PARP8: variants seen among roughly 807,000 people sequenced by gnomAD.
The protein encoded by PARP8 is protein mono-ADP-ribosyltransferase PARP8.
In PARP8, 51 loss-of-function variants were observed where a neutral mutation model predicts 124.1. The observed-to-expected ratio is 0.41, with a 90% CI of 0.33 to 0.52. The LOEUF (loss-of-function observed/expected upper bound fraction) is 0.52. PARP8 is among the 20% of genes least tolerant of loss of function. The pLI is 0.21. For missense variants in PARP8, 860 were observed against 1,018.9 expected, an observed-to-expected ratio of 0.84 and a Z score of 2.12; for synonymous variants, 391 against 361.5, an observed-to-expected ratio of 1.08 and a Z score of -0.93.
At chr5:50,824,067 T>G (rs1258888282) in intron 17 of PARP8, among the ~76,000 whole-genome samples, 1 of 152,248 alleles carries the variant, frequency 6.6e-6, no homozygotes, top group East Asian at 1.9e-4. Flanking sequence ...AGCCCTAAAT[T>G]GTCACGGAGA....
In PARP8 at chr5:50,813,399, T is replaced by C. The variant is rs547963560; in HGVS notation, c.1576-2033T>C. Among the ~76,000 whole-genome samples the C allele has an allele frequency of 4.4e-4, 67 of 151,254 alleles. 3 individuals carry two copies. In the South Asian group the frequency reaches 0.013, roughly 30 times the overall value. ...CATGATTTGGCTCTCTGTTTGTCTG[T>C]TATTGGTGTATAAGAATGCTTGTGA... is the stretch of plus-strand genomic sequence containing the variant. On this transcript the variant is annotated intron_variant, in intron 14 of 25. Coordinates refer to ENST00000281631, the MANE Select transcript of PARP8 (RefSeq NM_024615.4).
At chr5:50,769,249 G>A (rs1761355255) in intron 7 of PARP8, among the ~76,000 whole-genome samples, 1 of 151,312 alleles carries the variant, frequency 6.6e-6, no homozygotes, top group Non-Finnish European at 1.5e-5. Context: ...TATTTATGGG[G>A]AAAACAGTTG....
intron 21 of PARP8, among the ~76,000 whole-genome samples, chr5:50,829,617 T>C (rs1408351301): frequency 6.6e-6 from 1 of 152,146 alleles, no homozygotes; most frequent in Admixed American, 6.6e-5. Flanking sequence ...AAATTTTAGA[T>C]CCATTAAAAT....
chr5:50,667,036 G>C lies in PARP8; in HGVS notation c.-60G>C, dbSNP rs192499793. ...CTGAATATTTACGAAAGCTGGAAGC[G>C]TGCGAGGGGGGTGGGGTGGGGTGGA... On this transcript the variant is annotated 5_prime_UTR_variant, in exon 1 of 26. Transcript: ENST00000281631. The C allele has an allele frequency of 1.5e-3, 2,425 of 1,594,016 alleles. 28 individuals are homozygous for C. The African/African-American group carries it at 0.026, about 17-fold the overall frequency.
In PARP8 at chr5:50,666,774, C is replaced by T. The variant is rs1749324045; in HGVS notation, c.-322C>T. On this transcript the variant is annotated 5_prime_UTR_variant, in exon 1 of 26. Coordinates refer to ENST00000281631, the MANE Select transcript of PARP8 (RefSeq NM_024615.4). ...CACCTCGGCCCCCACGGCCGTTGGTCCGGGCGGGTGAGGGAGAAAGTGAGA... is the reference window on the plus strand; with the variant it reads ...CACCTCGGCCCCCACGGCCGTTGGTTCGGGCGGGTGAGGGAGAAAGTGAGA... 4 of 891,480 alleles carry T rather than the reference C, an allele frequency of 4.5e-6. No homozygotes were observed. The highest frequency in any genetic ancestry group is 7.7e-5 in the East Asian group (1 of 12,976). 55.2% of individuals were successfully genotyped at this position (891,480 alleles called of 1,614,324 possible).
At chr5:50,756,415 C>G (rs899200382) in intron 3 of PARP8, among the ~76,000 whole-genome samples, 1 of 152,026 alleles carries the variant, frequency 6.6e-6, no homozygotes, top group African/African-American at 2.4e-5. Flanking sequence ...ACATTCTTCT[C>G]TAAACAAATT....
intron 10 of PARP8, among the ~76,000 whole-genome samples, chr5:50,791,071 G>A (rs570006955): frequency 2.6e-5 from 4 of 152,180 alleles, no homozygotes; most frequent in South Asian, 2.1e-4. Flanking sequence ...CAGCAAGTTA[G>A]GAAGGCAAAT....
At chr5:50,790,488 C>G (rs1741824465) in intron 10 of PARP8, among the ~76,000 whole-genome samples, 1 of 151,864 alleles carries the variant, frequency 6.6e-6, no homozygotes, top group Admixed American at 6.6e-5. Context: ...ATTTTTTTTC[C>G]TCACTCAATT....
intron 2 of PARP8, among the ~76,000 whole-genome samples, chr5:50,749,031 T>A (rs562198570): frequency 2.0e-5 from 3 of 152,206 alleles, no homozygotes; most frequent in Non-Finnish European, 4.4e-5. Flanking sequence ...TTCTTCAGAT[T>A]GGTTTTTCCT....
intron 10 of PARP8, 133 bp from the exon 11 acceptor site, chr5:50,794,074 T>A: frequency 1.0e-6 from 1 of 973,396 alleles, no homozygotes; most frequent in Non-Finnish European, 1.4e-6. Context: ...CTTGTATGAT[T>A]CTAAATTAGC....
At chr5:50,670,678 G>A (rs1185298711) in intron 2 of PARP8, among the ~76,000 whole-genome samples, 1 of 152,160 alleles carries the variant, frequency 6.6e-6, no homozygotes, top group Non-Finnish European at 1.5e-5. Context: ...GCTTTTGGAT[G>A]TGCAAACTGA....
At chr5:50,702,619 A>G (rs1351366717) in intron 2 of PARP8, among the ~76,000 whole-genome samples, 1 of 149,806 alleles carries the variant, frequency 6.7e-6, no homozygotes, top group Admixed American at 6.6e-5. Flanking sequence ...AAAATGTATA[A>G]AATCTGTAAT....
In PARP8 at chr5:50,787,039, A is replaced by G. The variant is rs190365234; in HGVS notation, c.671-1484A>G. The stretch of plus-strand genomic sequence containing the variant: ...ACCTGTGTCTCCTGCAGTCTTTCAC[A>G]TTGTAGGAATTGGTAAATTTCATCC... On this transcript the variant is annotated intron_variant, in intron 9 of 25. Coordinates refer to ENST00000281631, the MANE Select transcript of PARP8 (RefSeq NM_024615.4). 8.5e-5 allele frequency among the ~76,000 whole-genome samples: 13 copies of G among 152,222 alleles called. No individual in the cohort carries two copies. The East Asian group carries it at 2.3e-3, about 27-fold the overall frequency.
intron 2 of PARP8, among the ~76,000 whole-genome samples, chr5:50,712,929 G>A (rs1174634791): frequency 6.6e-6 from 1 of 151,352 alleles, no homozygotes; most frequent in Non-Finnish European, 1.5e-5. Context: ...AGTGGCATGA[G>A]GTAAAGTATT....
At position 50,693,534 on chromosome 5, in the gene PARP8, C is replaced by T. The variant is rs765186714; in HGVS notation, c.146+25409C>T. The stretch of plus-strand genomic sequence containing the variant: ...TTCATGTCTACATTGCCCATGATTT[C>T]AGAGTTATGCATACTTGTTATGACA... On this transcript the variant is annotated intron_variant, in intron 2 of 25. Transcript: ENST00000281631. Among the ~76,000 whole-genome samples, 9 of 152,116 alleles carry T rather than the reference C, an allele frequency of 5.9e-5. No individual in the cohort carries two copies. The Middle Eastern group carries it at 0.01, about 172-fold the overall frequency.
At chr5:50,692,547 A>G (rs1036821705) in intron 2 of PARP8, among the ~76,000 whole-genome samples, 1 of 151,766 alleles carries the variant, frequency 6.6e-6, no homozygotes, top group African/African-American at 2.4e-5. Flanking sequence ...CTTTGTTAGT[A>G]CAGTGCCTGA....
intron 15 of PARP8, 41 bp downstream of exon 15, chr5:50,815,565 A>C: frequency 6.8e-7 from 1 of 1,470,726 alleles, no homozygotes; most frequent in Non-Finnish European, 9.2e-7. Context: ...TTTTGCTTTG[A>C]AAAATTTGTT....
At chr5:50,828,254 C>A in intron 20 of PARP8, 58 bp from the exon 21 acceptor site, 1 of 1,512,586 alleles carries the variant, frequency 6.6e-7, no homozygotes, top group Non-Finnish European at 9.2e-7. Context: ...ATGTTTTGAC[C>A]ACTTTGAAGA....
chr5:50,820,313 G>A (rs1291067596), intron 15 of PARP8, among the ~76,000 whole-genome samples: 1 of 152,150 alleles, frequency 6.6e-6, no homozygotes, highest in African/African-American at 2.4e-5. Context: ...TCCCTATAAA[G>A]ATATATATGC....
Sources: gnomAD v4.1 joint callset for allele counts (sites outside exome capture counted in the v4.1 genomes callset) on GRCh38, gnomAD v4.1.1 for gene constraint, MANE v1.5 for transcripts, NCBI Gene and HGNC (gene_info 2026-07-23, HGNC 2026-07-21) for gene names.